SNRK: variants seen among roughly 807,000 people sequenced by gnomAD.
The protein encoded by SNRK is SNF related kinase.
A neutral mutation model predicts 48.2 loss-of-function variants in SNRK; 3 were observed. The observed-to-expected ratio is 0.06, with a 90% confidence interval of 0.03 to 0.16. The LOEUF is 0.16. Ranked by LOEUF, SNRK falls within the 10% of genes least tolerant of loss-of-function variation. The probability of loss-of-function intolerance (pLI) is 1.00; values close to 1 mark genes in which losing one functional copy is unlikely to be tolerated. For missense variants in SNRK, 627 were observed against 976.0 expected, an observed-to-expected ratio of 0.64 and a Z score of 4.76; for synonymous variants, 376 against 366.1, an observed-to-expected ratio of 1.03 and a Z score of -0.31.
chr3:43,347,444 T>A lies in SNRK; in HGVS notation c.1185T>A (p.Ala395=). ...ATVPQSPARA[A]DSVLNGHRSK... ...TCCCTCAGTCTCCTGCTCGGGCTGC[T>A]GACAGTGTCCTCAATGGCCACAGGA... The change falls in exon 7 of 7, where the codon GCT becomes GCA. Residue 395 remains alanine, a synonymous_variant. Transcript: ENST00000296088. The surrounding 1 kb of genome is among the most constrained non-coding windows in gnomAD (Gnocchi z 5.4). The A allele has an allele frequency of 6.2e-7, 1 of 1,614,094 alleles. No homozygotes were observed. The highest frequency in any genetic ancestry group is 1.1e-5 in the South Asian group (1 of 91,072).
chr3:43,294,593 A>G (rs1171818866), intron 1 of SNRK, among the ~76,000 whole-genome samples: 1 of 152,138 alleles, frequency 6.6e-6, no homozygotes, highest in Non-Finnish European at 1.5e-5. Context: ...ACCTGTACAC[A>G]TATTGCCAAA....
At chr3:43,302,769 A>T (rs1302373661) in intron 2 of SNRK, among the ~76,000 whole-genome samples, 1 of 152,018 alleles carries the variant, frequency 6.6e-6, no homozygotes, top group East Asian at 1.9e-4. Flanking sequence ...TTTTTAAGAC[A>T]CTAAAATTCC....
At chr3:43,316,185 T>G (rs189496412) in intron 3 of SNRK, among the ~76,000 whole-genome samples, 119 of 152,340 alleles carry the variant, frequency 7.8e-4, no homozygotes, top group African/African-American at 2.5e-3. Flanking sequence ...TTTTCCCCAC[T>G]GATTTTTAGC....
intron 1 of SNRK, among the ~76,000 whole-genome samples, chr3:43,286,953 G>A (rs1035443838): frequency 6.9e-6 from 1 of 144,562 alleles, no homozygotes; most frequent in African/African-American, 2.5e-5. Flanking sequence ...CGGCGGCCGC[G>A]GTCGCCTGGA....
chr3:43,304,639 C>G (rs2090923225), intron 3 of SNRK, among the ~76,000 whole-genome samples: 1 of 152,022 alleles, frequency 6.6e-6, no homozygotes, highest in Non-Finnish European at 1.5e-5. Flanking sequence ...AAGGTGCAGT[C>G]AGCTTTTTAA....
chr3:43,286,965 G>T (rs1296258113), intron 1 of SNRK, among the ~76,000 whole-genome samples: 2 of 146,298 alleles, frequency 1.4e-5, no homozygotes, highest in African/African-American at 4.9e-5. Context: ...TCGCCTGGAG[G>T]CCCTGCCCTT....
intron 5 of SNRK, among the ~76,000 whole-genome samples, chr3:43,342,557 TTG>T (rs1407721236): frequency 6.6e-6 from 1 of 152,178 alleles, no homozygotes; most frequent in African/African-American, 2.4e-5. Flanking sequence ...TAAGTGTTCA[TTG>T]TGTGAGTATT....
intron 3 of SNRK, among the ~76,000 whole-genome samples, chr3:43,306,807 G>C (rs938178527): frequency 6.6e-6 from 1 of 152,122 alleles, no homozygotes; most frequent in East Asian, 1.9e-4. Context: ...AAGTTATTTA[G>C]AAAGGTGTTC....
intron 1 of SNRK, among the ~76,000 whole-genome samples, chr3:43,288,901 G>A (rs2090787800): frequency 4.6e-5 from 7 of 152,200 alleles, no homozygotes; most frequent in African/African-American, 1.7e-4. Context: ...CTATGTGCAG[G>A]TAAACTTAGA....
At chr3:43,325,382 G>A (rs922440341) in intron 3 of SNRK, among the ~76,000 whole-genome samples, 6 of 151,966 alleles carry the variant, frequency 3.9e-5, no homozygotes, top group African/African-American at 1.5e-4. Flanking sequence ...AGCCAAGATG[G>A]TCTCGATCTC....
chr3:43,321,548 T>C (rs555312055), intron 3 of SNRK, among the ~76,000 whole-genome samples: 8 of 152,208 alleles, frequency 5.3e-5, no homozygotes, highest in Non-Finnish European at 1.2e-4. Flanking sequence ...CAGACCCTTA[T>C]TTAGTTAATT....
chr3:43,331,823 A>C (rs1191634735), intron 3 of SNRK, among the ~76,000 whole-genome samples: 1 of 152,058 alleles, frequency 6.6e-6, no homozygotes, highest in African/African-American at 2.4e-5. Flanking sequence ...TATTAGTTTT[A>C]TTTCTGGTAT....
At chr3:43,314,427 A>G (rs752680795) in intron 3 of SNRK, among the ~76,000 whole-genome samples, 1 of 152,192 alleles carries the variant, frequency 6.6e-6, no homozygotes, top group Admixed American at 6.5e-5. Flanking sequence ...CTTTATAGCT[A>G]TTAACTTACT....
At chr3:43,344,646 A>G (rs1370421960) in intron 6 of SNRK, among the ~76,000 whole-genome samples, 1 of 152,150 alleles carries the variant, frequency 6.6e-6, no homozygotes, top group Non-Finnish European at 1.5e-5. Context: ...CTTTATTCAT[A>G]TCTTGGATGC....
Position 43,287,561 on chromosome 3 carries a change from C to G in SNRK, c.-169+886C>G, listed in dbSNP as rs987645804. Reference sequence around the variant, plus strand: ...CAAACTGTCATGTTACTTTCCACCCCCCTTCCCTTTAATTATGTGCATTCT... The same window carrying G: ...CAAACTGTCATGTTACTTTCCACCCGCCTTCCCTTTAATTATGTGCATTCT... On this transcript the variant is annotated intron_variant, in intron 1 of 6. Coordinates refer to ENST00000296088, the MANE Select transcript of SNRK (RefSeq NM_017719.5). 3.3e-5 allele frequency among the ~76,000 whole-genome samples: 5 copies of G among 152,184 alleles called. No homozygotes were observed. The East Asian group carries it at 9.6e-4, about 29-fold the overall frequency.
chr3:43,339,774 C>G (rs1290900531), intron 4 of SNRK, among the ~76,000 whole-genome samples: 5 of 135,106 alleles, frequency 3.7e-5, no homozygotes, highest in Non-Finnish European at 6.3e-5. Context: ...CAAGGTTGCA[C>G]CACTGCACTC....
intron 3 of SNRK, among the ~76,000 whole-genome samples, chr3:43,316,138 C>T (rs920764990): frequency 3.3e-5 from 5 of 152,150 alleles, no homozygotes; most frequent in Admixed American, 6.5e-5. Context: ...TTTGAGCAGA[C>T]TGAAAAATAT....
intron 3 of SNRK, among the ~76,000 whole-genome samples, chr3:43,321,706 G>A (rs895188549): frequency 5.3e-5 from 8 of 152,250 alleles, no homozygotes; most frequent in African/African-American, 9.6e-5. Flanking sequence ...TAAAAAACAC[G>A]GTGTGCGCCT....
chr3:43,292,567 C>G (rs2090820925), intron 1 of SNRK, among the ~76,000 whole-genome samples: 1 of 152,216 alleles, frequency 6.6e-6, no homozygotes, highest in African/African-American at 2.4e-5. Context: ...AGGTATTCTT[C>G]AGAATCAGCT....
Sources: gnomAD v4.1 joint callset for allele counts (sites outside exome capture counted in the v4.1 genomes callset) on GRCh38, gnomAD v4.1.1 for gene constraint, Gnocchi (gnomAD v3.1) non-coding constraint, MANE v1.5 for transcripts, NCBI Gene and HGNC (gene_info 2026-07-23, HGNC 2026-07-21) for gene names.